The following MBP variants were observed in gnomAD, a reference collection of about 807,000 sequenced individuals.
MBP encodes the protein myelin basic protein.
A neutral mutation model predicts 35.8 loss-of-function variants in MBP; 16 were observed. The observed-to-expected ratio is 0.45, with a 90% CI of 0.30 to 0.68. The LOEUF (loss-of-function observed/expected upper bound fraction) is 0.68, where lower values mean the gene tolerates loss of function less well. Among genes scored for constraint, MBP ranks in the 30% least tolerant of loss-of-function variants. The probability of loss-of-function intolerance (pLI) is 0.08; values close to 1 mark genes in which losing one functional copy is unlikely to be tolerated. For missense variants in MBP, 380 were observed against 404.7 expected (o/e 0.94, Z 0.52); for synonymous variants, 143 against 159.6 (o/e 0.90, Z 0.78).
At chr18:77,105,309 C>A in intron 1 of MBP, 23 bp from the exon 2 acceptor site, 1 of 1,482,622 alleles carries the variant, frequency 6.7e-7, no homozygotes, top group South Asian at 1.1e-5. Context: ...GAGAAAGTGT[C>A]AGCCCTAAGT....
At chr18:77,078,959 C>T (rs1974773809) in intron 2 of MBP, among the ~76,000 whole-genome samples, 1 of 152,228 alleles carries the variant, frequency 6.6e-6, no homozygotes, top group African/African-American at 2.4e-5. Flanking sequence ...AAGACTGTGG[C>T]TCCATGAGCC....
At chr18:76,985,547 G>T in intron 7 of MBP, 1 of 1,125,254 alleles carries the variant, frequency 8.9e-7, no homozygotes. Flanking sequence ...GTCTCCCTTG[G>T]CCATAGCTCG....
intron 7 of MBP, chr18:76,987,966 ATTAT>A: frequency 8.4e-7 from 1 of 1,187,204 alleles, no homozygotes; most frequent in Non-Finnish European, 1.1e-6. Context: ...TGTTTTAATT[ATTAT>A]TTAAACACAT....
At chr18:76,985,041 A>G (rs2123077122) in intron 7 of MBP, 147 bp from the exon 8 acceptor site, 1 of 1,493,488 alleles carries the variant, frequency 6.7e-7, no homozygotes, top group Non-Finnish European at 9.0e-7. Context: ...GGCCAGCACC[A>G]CGCTGAGGGG....
intron 4 of MBP, among the ~76,000 whole-genome samples, chr18:77,001,293 C>G (rs1008099798): frequency 2.0e-5 from 3 of 152,236 alleles, no homozygotes; most frequent in Admixed American, 2.0e-4. Context: ...GGGGTGTGCC[C>G]GCGTTTCTCT....
At chr18:77,042,289 C>T (rs975971573) in intron 3 of MBP, among the ~76,000 whole-genome samples, 4 of 145,512 alleles carry the variant, frequency 2.7e-5, no homozygotes, top group Non-Finnish European at 4.4e-5. Flanking sequence ...TCGGTCTCCC[C>T]GGGGGACCTG....
At chr18:77,022,692 A>G (rs1243165117) in intron 3 of MBP, among the ~76,000 whole-genome samples, 1 of 152,252 alleles carries the variant, frequency 6.6e-6, no homozygotes, top group African/African-American at 2.4e-5. Flanking sequence ...AAATGCATTA[A>G]CAAAACACAA....
At chr18:77,002,520 G>C (rs912334884) in intron 4 of MBP, among the ~76,000 whole-genome samples, 2 of 152,144 alleles carry the variant, frequency 1.3e-5, no homozygotes, top group Non-Finnish European at 2.9e-5. Context: ...GTCCCCAAAA[G>C]GATTCAATGC....
At chr18:76,985,722 TG>T in intron 7 of MBP, 1 of 1,010,118 alleles carries the variant, frequency 9.9e-7, no homozygotes, top group Non-Finnish European at 1.2e-6. Flanking sequence ...TGTGTGGCCT[TG>T]GGCAAGGGCA....
chr18:77,105,150 A>G, intron 2 of MBP, 61 bp downstream of exon 2: 3 of 1,546,476 alleles, frequency 1.9e-6, no homozygotes, highest in Admixed American at 1.7e-5. Flanking sequence ...TGACACACCA[A>G]GGGGATTTGT....
chr18:77,069,700 C>A (rs545548616), intron 2 of MBP, among the ~76,000 whole-genome samples: 8 of 152,338 alleles, frequency 5.3e-5, no homozygotes, highest in African/African-American at 1.7e-4. Context: ...CCTGTATCCA[C>A]TTCCCAGGCT....
intron 3 of MBP, among the ~76,000 whole-genome samples, chr18:77,024,479 T>C (rs1308414214): frequency 6.6e-6 from 1 of 152,270 alleles, no homozygotes; most frequent in African/African-American, 2.4e-5. Context: ...AGTTCCAGAA[T>C]ACAGAATTAA....
intron 2 of MBP, among the ~76,000 whole-genome samples, chr18:77,069,278 G>C (rs2144826863): frequency 6.6e-6 from 1 of 152,244 alleles, no homozygotes; most frequent in Middle Eastern, 3.4e-3. Context: ...TATCTATCCA[G>C]TTAATTTCAG....
chr18:77,032,271 A>G (rs894248899), intron 3 of MBP, among the ~76,000 whole-genome samples: 8 of 152,220 alleles, frequency 5.3e-5, no homozygotes, highest in Non-Finnish European at 1.0e-4. Context: ...AAAAAGGGCC[A>G]TGGTGTGGCC....
intron 3 of MBP, among the ~76,000 whole-genome samples, chr18:77,030,300 C>T (rs1742154658): frequency 6.6e-6 from 1 of 152,070 alleles, no homozygotes; most frequent in Non-Finnish European, 1.5e-5. Context: ...GGAAGGAGAC[C>T]CAAGAGCCCA....
chr18:77,130,046 C>CAAAAAA (rs35240388), intron 1 of MBP, among the ~76,000 whole-genome samples: 121 of 129,332 alleles, frequency 9.4e-4, no homozygotes, highest in Non-Finnish European at 1.6e-3. Context: ...AAGACTCTGT[C>CAAAAAA]AAAAAAAAAA....
intron 3 of MBP, among the ~76,000 whole-genome samples, chr18:77,053,704 T>G (rs1204850558): frequency 6.6e-6 from 1 of 152,206 alleles, no homozygotes; most frequent in East Asian, 1.9e-4. Flanking sequence ...AACACTGCCA[T>G]GTGCAAATGA....
At chr18:77,099,791 G>A (rs973603133) in intron 2 of MBP, among the ~76,000 whole-genome samples, 1 of 152,222 alleles carries the variant, frequency 6.6e-6, no homozygotes, top group Non-Finnish European at 1.5e-5. Context: ...TGCCCTGGGG[G>A]GAGCCGCCAG....
chr18:77,070,727 C>T (rs1974404652), intron 2 of MBP, among the ~76,000 whole-genome samples: 1 of 152,118 alleles, frequency 6.6e-6, no homozygotes, highest in South Asian at 2.1e-4. Flanking sequence ...CAGGAGGGGC[C>T]CTGGGAACTC....
Sources: gnomAD v4.1 joint callset for allele counts (sites outside exome capture counted in the v4.1 genomes callset) on GRCh38, gnomAD v4.1.1 for gene constraint, MANE v1.5 for transcripts, NCBI Gene and HGNC (gene_info 2026-07-23, HGNC 2026-07-21) for gene names.